Variants in STON1 observed in about 807,000 individuals in gnomAD.
STON1 encodes the protein stonin-1.
A neutral mutation model predicts 60.9 loss-of-function variants in STON1; 79 were observed. The ratio of observed to expected loss-of-function variants is 1.30; its 90% CI spans 1.08 to 1.56. The LOEUF (loss-of-function observed/expected upper bound fraction) is 1.56, where lower values mean the gene tolerates loss of function less well. Among genes scored for constraint, STON1 ranks in the 40% most tolerant of loss-of-function variants. The probability of loss-of-function intolerance (pLI) is 0.00; values close to 1 mark genes in which losing one functional copy is unlikely to be tolerated. For synonymous variants in STON1, 363 were observed against 306.9 expected (o/e 1.18, Z -1.91); for missense variants, 1,166 against 858.9 (o/e 1.36, Z -4.47).
chr2:48,544,962 T>A (rs1671810165), intron 1 of STON1, among the ~76,000 whole-genome samples: 2 of 152,202 alleles, frequency 1.3e-5, no homozygotes, highest in Non-Finnish European at 2.9e-5. Context: ...CTAGTGTAGC[T>A]CCAGGCCTGT....
chr2:48,581,866 G>A lies in STON1; in HGVS notation c.1233G>A (p.Glu411=). 2 of 1,614,068 alleles carry A rather than the reference G, an allele frequency of 1.2e-6. No homozygotes were observed. Among genetic ancestry groups the A allele is most frequent in the Non-Finnish European group, 1.7e-6 (2 of 1,180,034 alleles). ...PAVSKPKKNY[E]EQEISLEIVD... is the part of the protein sequence containing the mutation. Reference sequence around the variant, plus strand: ...TTTCAAAACCAAAAAAGAACTACGAGGAGCAAGAAATTTCCTTGGAAATTG... The same window carrying A: ...TTTCAAAACCAAAAAAGAACTACGAAGAGCAAGAAATTTCCTTGGAAATTG... The change falls in exon 2 of 4, where the codon GAG becomes GAA. Residue 411 remains glutamate (E), a synonymous_variant. Coordinates refer to ENST00000404752, the MANE Select transcript of STON1 (RefSeq NM_006873.4).
chr2:48,535,404 C>A (rs1293559018), intron 1 of STON1, among the ~76,000 whole-genome samples: 1 of 152,102 alleles, frequency 6.6e-6, no homozygotes, highest in Non-Finnish European at 1.5e-5. Flanking sequence ...GGAAAAAATG[C>A]CCACATCCTG....
intron 1 of STON1, among the ~76,000 whole-genome samples, chr2:48,577,995 T>G (rs1386403216): frequency 1.3e-5 from 2 of 150,554 alleles, no homozygotes; most frequent in Non-Finnish European, 3.0e-5. Flanking sequence ...TCTATTTTTT[T>G]TTTGAGACGG....
chr2:48,550,011 C>T (rs889003749), intron 1 of STON1, among the ~76,000 whole-genome samples: 3 of 150,660 alleles, frequency 2.0e-5, no homozygotes, highest in Non-Finnish European at 2.9e-5. Flanking sequence ...GTTGTTAAGA[C>T]ATGGGACAGC....
intron 1 of STON1, among the ~76,000 whole-genome samples, chr2:48,579,349 C>T (rs757112261): frequency 6.6e-6 from 1 of 151,408 alleles, no homozygotes; most frequent in African/African-American, 2.4e-5. Flanking sequence ...CACTGTGTTG[C>T]CCAGGCTGGA....
At chr2:48,574,804 C>T (rs1673387419) in intron 1 of STON1, among the ~76,000 whole-genome samples, 1 of 152,204 alleles carries the variant, frequency 6.6e-6, no homozygotes. Context: ...ACATAGTGAT[C>T]ACTCAAATAA....
intron 2 of STON1, among the ~76,000 whole-genome samples, chr2:48,590,725 GC>G (rs1674468283): frequency 6.6e-6 from 1 of 150,822 alleles, no homozygotes; most frequent in Non-Finnish European, 1.5e-5. Flanking sequence ...ACTGAACCTG[GC>G]CTGGCATAGC....
At chr2:48,569,696 A>G (rs1003832443) in intron 1 of STON1, among the ~76,000 whole-genome samples, 1 of 152,146 alleles carries the variant, frequency 6.6e-6, no homozygotes, top group Non-Finnish European at 1.5e-5. Flanking sequence ...TTTTTGTGAG[A>G]TTGTTTTTCC....
chr2:48,584,374 T>A (rs1674077336), intron 2 of STON1, among the ~76,000 whole-genome samples: 1 of 151,958 alleles, frequency 6.6e-6, no homozygotes, highest in South Asian at 2.1e-4. Flanking sequence ...TTCAAGTGAT[T>A]TTCCTGCCTC....
intron 1 of STON1, among the ~76,000 whole-genome samples, chr2:48,534,063 C>G (rs1368021263): frequency 1.3e-5 from 2 of 152,092 alleles, no homozygotes; most frequent in East Asian, 1.9e-4. Flanking sequence ...GCCACTGTGC[C>G]TGGCCTGGGG....
Position 48,554,040 on chromosome 2 carries a change from A to T in STON1, c.-48+23824A>T, listed in dbSNP as rs377348976. ...AGAGATGGGTGTGGGGAGAGAGCAGAACCCTGGGTGGTGTCCAGTGGAGAC... is the reference window on the plus strand; with the variant it reads ...AGAGATGGGTGTGGGGAGAGAGCAGTACCCTGGGTGGTGTCCAGTGGAGAC... On this transcript the variant is annotated intron_variant, in intron 1 of 3. Transcript: ENST00000404752. 7.9e-5 allele frequency among the ~76,000 whole-genome samples: 12 copies of T among 152,276 alleles called. No individual in the cohort carries two copies. The South Asian group carries it at 8.3e-4, about 11-fold the overall frequency.
chr2:48,563,559 A>G (rs1488785300), intron 1 of STON1, among the ~76,000 whole-genome samples: 1 of 152,220 alleles, frequency 6.6e-6, no homozygotes, highest in African/African-American at 2.4e-5. Context: ...GGGCAATAGA[A>G]TACAAAAGGC....
intron 1 of STON1, among the ~76,000 whole-genome samples, chr2:48,543,373 A>G (rs1671736893): frequency 6.6e-6 from 1 of 152,094 alleles, no homozygotes. Context: ...ACCAGCTGTT[A>G]TAGCCCTCCC....
chr2:48,575,410 T>G (rs1673424968), intron 1 of STON1, among the ~76,000 whole-genome samples: 1 of 152,028 alleles, frequency 6.6e-6, no homozygotes, highest in African/African-American at 2.4e-5. Context: ...TCCCAGCACT[T>G]TGGGAGGCCG....
intron 1 of STON1, among the ~76,000 whole-genome samples, chr2:48,563,990 C>T (rs769195633): frequency 1.3e-5 from 2 of 149,882 alleles, no homozygotes; most frequent in Non-Finnish European, 3.0e-5. Flanking sequence ...TGAGCCACCA[C>T]GCCTGCCCTC....
At chr2:48,583,876 G>A (rs187472201) in intron 2 of STON1, among the ~76,000 whole-genome samples, 76 of 149,994 alleles carry the variant, frequency 5.1e-4, no homozygotes, top group Admixed American at 1.5e-3. Context: ...CTCAGCCTCC[G>A]GAGTAGCTGG....
chr2:48,563,570 C>T (rs982069020), intron 1 of STON1, among the ~76,000 whole-genome samples: 1 of 152,176 alleles, frequency 6.6e-6, no homozygotes, highest in Admixed American at 6.5e-5. Context: ...TACAAAAGGC[C>T]GAGGTGTCCA....
intron 2 of STON1, among the ~76,000 whole-genome samples, chr2:48,584,848 T>G (rs1026013087): frequency 6.6e-6 from 1 of 152,146 alleles, no homozygotes; most frequent in African/African-American, 2.4e-5. Context: ...GACCACCTTG[T>G]CCATGACTCT....
At chr2:48,592,633 C>T (rs1331443601) in intron 3 of STON1, among the ~76,000 whole-genome samples, 3 of 95,324 alleles carry the variant, frequency 3.1e-5, no homozygotes, top group Non-Finnish European at 6.9e-5. Context: ...TATTATTATT[C>T]TATTTTTAGT....
Sources: allele counts gnomAD v4.1 joint callset (sites outside exome capture counted in the v4.1 genomes callset), GRCh38; gene constraint gnomAD v4.1.1; transcripts MANE v1.5; gene names NCBI Gene and HGNC (gene_info 2026-07-23, HGNC 2026-07-21).